Variants in PAX3 observed in about 807,000 individuals in gnomAD.
The protein encoded by PAX3 is paired box 3.
PAX3 carries 14 observed loss-of-function variants against 51.6 expected under a neutral mutation model. That is an observed-to-expected ratio of 0.27 (90% CI 0.18 to 0.42). The LOEUF (loss-of-function observed/expected upper bound fraction) is 0.42. PAX3 is among the 10% of genes least tolerant of loss of function. The pLI is 1.00. For synonymous variants in PAX3, 280 were observed against 253.4 expected (o/e 1.11, Z -1.00); for missense variants, 540 against 642.8 (o/e 0.84, Z 1.73).
chr2:222,283,485 A>T (rs1223393430), intron 4 of PAX3, among the ~76,000 whole-genome samples: 4 of 152,222 alleles, frequency 2.6e-5, no homozygotes, highest in Non-Finnish European at 5.9e-5. Flanking sequence ...TGAGTGTTTT[A>T]CCCAGTCAAA....
At chr2:222,205,441 C>G (rs1359048955) in intron 7 of PAX3, among the ~76,000 whole-genome samples, 2 of 152,038 alleles carry the variant, frequency 1.3e-5, no homozygotes. Flanking sequence ...TAGAGGGGAC[C>G]AGAGACCAGT....
Position 222,273,845 on chromosome 2 carries a change from G to A in PAX3, c.586+20322C>T, listed in dbSNP as rs372534896. 2.5e-3 allele frequency among the ~76,000 whole-genome samples: 383 copies of A among 151,740 alleles called. 1 individual carries two copies. Among genetic ancestry groups the A allele is most frequent in the Admixed American group, 4.9e-3 (74 of 15,214 alleles). ...TAGAACTATAATCAAATAAAAATTC[G>A]ACTAAAACATGGCAAATTCGGTGCT... is the stretch of plus-strand genomic sequence containing the variant. On this transcript the variant is annotated intron_variant, in intron 4 of 8. Coordinates refer to ENST00000392070, the MANE Select transcript of PAX3 (RefSeq NM_181458.4).
intron 4 of PAX3, among the ~76,000 whole-genome samples, chr2:222,247,876 T>C (rs1308146701): frequency 1.3e-5 from 2 of 152,242 alleles, no homozygotes; most frequent in African/African-American, 2.4e-5. Flanking sequence ...ATTCTCACTA[T>C]ATCTCATTAT....
chr2:222,298,604 C>A lies in PAX3; in HGVS notation c.12G>T (p.Leu4=), dbSNP rs747090056. The A allele has an allele frequency of 1.9e-6, 3 of 1,606,322 alleles. No individual in the cohort carries two copies. Among genetic ancestry groups the A allele is most frequent in the Non-Finnish European group, 2.5e-6 (3 of 1,176,904 alleles). The change falls in exon 1 of 9, where the codon CTG becomes CTT. Residue 4 remains leucine (L), a synonymous_variant. Coordinates refer to ENST00000392070, the MANE Select transcript of PAX3 (RefSeq NM_181458.4). Reference sequence around the variant, plus strand: ...GCATCATCCTGGGCACAGCGCCGGCCAGCGTGGTCATCCTGGGGGCAGCTT... The same window carrying A: ...GCATCATCCTGGGCACAGCGCCGGCAAGCGTGGTCATCCTGGGGGCAGCTT... MTT[L]AGAVPRMMRP...
intron 4 of PAX3, among the ~76,000 whole-genome samples, chr2:222,286,153 G>T (rs985424819): frequency 1.3e-5 from 2 of 152,218 alleles, no homozygotes; most frequent in Admixed American, 6.5e-5. Flanking sequence ...GGCCAGGCTG[G>T]TCTCAAACTC....
intron 7 of PAX3, among the ~76,000 whole-genome samples, chr2:222,203,051 A>ATATATG (rs1559250449): frequency 7.9e-6 from 1 of 126,808 alleles, no homozygotes; most frequent in Non-Finnish European, 1.7e-5. Context: ...ATATATATAT[A>ATATATG]TATATGAAGT....
intron 4 of PAX3, among the ~76,000 whole-genome samples, chr2:222,277,359 A>T (rs1694457875): frequency 6.6e-6 from 1 of 152,198 alleles, no homozygotes; most frequent in African/African-American, 2.4e-5. Context: ...TCACAGAAAC[A>T]AACCTCAAAG....
At chr2:222,269,868 G>T (rs1025998395) in intron 4 of PAX3, among the ~76,000 whole-genome samples, 5 of 152,282 alleles carry the variant, frequency 3.3e-5, no homozygotes, top group Non-Finnish European at 5.9e-5. Context: ...ATGTGCTAGT[G>T]AGCTCAAGAC....
At chr2:222,245,083 G>A (rs911011824) in intron 4 of PAX3, among the ~76,000 whole-genome samples, 2 of 152,180 alleles carry the variant, frequency 1.3e-5, no homozygotes, top group Non-Finnish European at 2.9e-5. Flanking sequence ...GGGAGGCAGA[G>A]TTTGCAGTGA....
At chr2:222,281,872 A>G (rs1694659203) in intron 4 of PAX3, among the ~76,000 whole-genome samples, 1 of 152,220 alleles carries the variant, frequency 6.6e-6, no homozygotes. Flanking sequence ...TAGGCAAGTC[A>G]GAGAGAAGGC....
chr2:222,290,138 C>A (rs1274694479), intron 4 of PAX3, among the ~76,000 whole-genome samples: 1 of 152,174 alleles, frequency 6.6e-6, no homozygotes, highest in African/African-American at 2.4e-5. Flanking sequence ...TTGATTTCAG[C>A]AGTCCCTTAA....
chr2:222,209,211 T>C (rs567721417), intron 7 of PAX3, among the ~76,000 whole-genome samples: 9 of 152,340 alleles, frequency 5.9e-5, no homozygotes, highest in Non-Finnish European at 8.8e-5. Context: ...AGGAAATTTC[T>C]TCTTTCTTTC....
Position 222,232,139 on chromosome 2 carries a change from G to A in PAX3, c.731C>T (p.Pro244Leu), listed in dbSNP as rs777246206. 6.2e-7 allele frequency: 1 copy of A among 1,614,022 alleles called. No individual in the cohort carries two copies. Among genetic ancestry groups the A allele is most frequent in the Non-Finnish European group, 8.5e-7 (1 of 1,179,934 alleles). ...CAGTTCCTCCCTAGTATAAATGTCA[G>A]GGTAATGAGTTCTCTCAAAAGCACG... The part of the protein sequence containing the change: ...LERAFERTHY[P>L]DIYTREELAQ... Residue 244 changes from proline (P) to leucine (L), a missense_variant, in exon 5 of 9, where the codon CCT becomes CTT. Transcript: ENST00000392070.
At chr2:222,278,052 G>C (rs531066486) in intron 4 of PAX3, among the ~76,000 whole-genome samples, 2 of 151,218 alleles carry the variant, frequency 1.3e-5, no homozygotes, top group African/African-American at 2.4e-5. Context: ...TCTTCTTCCA[G>C]TGTGGCCCAA....
At chr2:222,256,521 ACCT>A (rs1311651296) in intron 4 of PAX3, among the ~76,000 whole-genome samples, 3 of 150,732 alleles carry the variant, frequency 2.0e-5, no homozygotes, top group African/African-American at 7.3e-5. Context: ...AGACCCCCTA[ACCT>A]CCTCCAAGTC....
chr2:222,264,141 C>T (rs973462418), intron 4 of PAX3: 15 of 152,110 alleles, frequency 9.9e-5, no homozygotes, highest in African/African-American at 3.6e-4. Flanking sequence ...AAGGTAGATG[C>T]CCAACTGTCC....
chr2:222,249,940 G>C (rs1024985832), intron 4 of PAX3, among the ~76,000 whole-genome samples: 2 of 152,120 alleles, frequency 1.3e-5, no homozygotes, highest in Non-Finnish European at 2.9e-5. Context: ...TAGGAGAATA[G>C]GGTTTCTTTC....
At chr2:222,260,316 C>G (rs940102082) in intron 4 of PAX3, among the ~76,000 whole-genome samples, 2 of 152,016 alleles carry the variant, frequency 1.3e-5, no homozygotes, top group Admixed American at 6.5e-5. Flanking sequence ...TACAGTGAGC[C>G]ATGATCATGC....
In PAX3 at chr2:222,298,568, C is replaced by T. The variant is rs761391759; in HGVS notation, c.48G>A (p.Pro16=). ...GAVPRMMRPG[P]GQNYPRSGFP... ...ACCCGCTACGCGGGTAGTTCTGCCC[C>T]GGGCCCGGCCGCATCATCCTGGGCA... Residue 16 remains proline, a synonymous_variant, in exon 1 of 9, where the codon CCG becomes CCA. Transcript: ENST00000392070. 62 of 1,607,832 alleles carry T rather than the reference C, an allele frequency of 3.9e-5. No homozygotes were observed. Among genetic ancestry groups the T allele is most frequent in the Non-Finnish European group, 4.9e-5 (58 of 1,177,680 alleles).
Sources: gnomAD v4.1 joint callset for allele counts (sites outside exome capture counted in the v4.1 genomes callset) on GRCh38, gnomAD v4.1.1 for gene constraint, MANE v1.5 for transcripts, NCBI Gene and HGNC (gene_info 2026-07-23, HGNC 2026-07-21) for gene names.